Variants in GNAI1 observed in about 807,000 individuals in gnomAD.
The protein encoded by GNAI1 is guanine nucleotide-binding protein G(i) subunit alpha-1.
Under a neutral mutation model 38.9 loss-of-function variants are expected in GNAI1, and 11 were observed. The observed-to-expected ratio is 0.28, with a 90% CI of 0.18 to 0.47. GNAI1 has a LOEUF of 0.47. Ranked by LOEUF, GNAI1 falls within the 20% of genes least tolerant of loss-of-function variation. The pLI is 0.99. For missense variants in GNAI1, 317 were observed against 436.9 expected, an observed-to-expected ratio of 0.73 and a Z score of 2.45; for synonymous variants, 166 against 145.1, an observed-to-expected ratio of 1.14 and a Z score of -1.04.
chr7:80,157,777 G>GCTCA (rs774686977), intron 1 of GNAI1, among the ~76,000 whole-genome samples: 2 of 152,064 alleles, frequency 1.3e-5, no homozygotes, highest in African/African-American at 4.8e-5. Context: ...CATGATCTTA[G>GCTCA]CTCACTGCAA....
intron 1 of GNAI1, among the ~76,000 whole-genome samples, chr7:80,171,553 T>C (rs1788098457): frequency 6.6e-6 from 1 of 152,342 alleles, no homozygotes; most frequent in Non-Finnish European, 1.5e-5. Flanking sequence ...AATTTACATC[T>C]TGATGTAAAA....
At chr7:80,202,361 T>C (rs1400468020) in intron 4 of GNAI1, among the ~76,000 whole-genome samples, 1 of 152,182 alleles carries the variant, frequency 6.6e-6, no homozygotes, top group Non-Finnish European at 1.5e-5. Context: ...GTGCTGGGAT[T>C]ACAGGCGCCA....
intron 4 of GNAI1, among the ~76,000 whole-genome samples, chr7:80,202,864 T>C (rs955373919): frequency 2.6e-4 from 40 of 152,172 alleles, no homozygotes; most frequent in African/African-American, 9.4e-4. Flanking sequence ...TGTTCCCATC[T>C]CCATACTGAT....
At chr7:80,152,022 C>T (rs529287023) in intron 1 of GNAI1, among the ~76,000 whole-genome samples, 2 of 152,256 alleles carry the variant, frequency 1.3e-5, no homozygotes, top group Admixed American at 1.3e-4. Flanking sequence ...CTTTGTTCTC[C>T]TTTCACGGCC....
chr7:80,138,936 T>C (rs1159935711), intron 1 of GNAI1, among the ~76,000 whole-genome samples: 1 of 152,200 alleles, frequency 6.6e-6, no homozygotes, highest in Non-Finnish European at 1.5e-5. Flanking sequence ...TTTGGGATGC[T>C]GCATCATTAA....
intron 1 of GNAI1, among the ~76,000 whole-genome samples, chr7:80,177,578 C>T (rs2115588170): frequency 1.3e-5 from 2 of 152,258 alleles, no homozygotes; most frequent in South Asian, 4.2e-4. Flanking sequence ...GACTCCTGAG[C>T]TCAGGTGATT....
rs1250767254 is a variant in GNAI1 at position 80,222,492 on chromosome 7, A to G, written c.*4999A>G. Among the ~76,000 whole-genome samples the G allele has an allele frequency of 2.0e-5, 3 of 150,646 alleles. No homozygotes were observed. Among genetic ancestry groups the G allele is most frequent in the African/African-American group, 4.9e-5 (2 of 40,998 alleles). ...AACATCCGCCTCCCGGGTACAAGCA[A>G]TTCTCCTGCCTCAGGTTCCCGAGTA... On this transcript the variant is annotated 3_prime_UTR_variant, in exon 8 of 8. Coordinates refer to ENST00000649796, the MANE Select transcript of GNAI1 (RefSeq NM_002069.6).
At chr7:80,169,950 C>CTGAGCATATATTATTA (rs1788073661) in intron 1 of GNAI1, among the ~76,000 whole-genome samples, 1 of 152,178 alleles carries the variant, frequency 6.6e-6, no homozygotes, top group African/African-American at 2.4e-5. Context: ...GATTCTTTCA[C>CTGAGCATATATTATTA]TGAGCATAAT....
chr7:80,217,076 A>G (rs768284692), intron 7 of GNAI1, among the ~76,000 whole-genome samples: 2 of 152,010 alleles, frequency 1.3e-5, no homozygotes, highest in Non-Finnish European at 2.9e-5. Flanking sequence ...TGTAAAGGAA[A>G]TTTTTTGTTT....
chr7:80,183,911 G>A (rs531373548), intron 1 of GNAI1, among the ~76,000 whole-genome samples: 1 of 152,086 alleles, frequency 6.6e-6, no homozygotes, highest in East Asian at 1.9e-4. Context: ...GGATCCTACC[G>A]GTAGGCTGCT....
chr7:80,177,776 ATGT>A (rs1369877310), intron 1 of GNAI1, among the ~76,000 whole-genome samples: 1 of 152,138 alleles, frequency 6.6e-6, no homozygotes, highest in Non-Finnish European at 1.5e-5. Context: ...GCCCAGCCTA[ATGT>A]TGTTTTTACG....
intron 1 of GNAI1, among the ~76,000 whole-genome samples, chr7:80,168,161 C>T (rs1788043594): frequency 6.6e-6 from 1 of 152,096 alleles, no homozygotes; most frequent in South Asian, 2.1e-4. Flanking sequence ...TAGGTGCTGC[C>T]TCAGACTAGA....
At chr7:80,146,907 C>T (rs1197273273) in intron 1 of GNAI1, among the ~76,000 whole-genome samples, 1 of 152,198 alleles carries the variant, frequency 6.6e-6, no homozygotes, top group Non-Finnish European at 1.5e-5. Context: ...ATCTATCACA[C>T]TTAATATTAT....
intron 1 of GNAI1, among the ~76,000 whole-genome samples, chr7:80,156,360 T>C (rs2116114964): frequency 6.6e-6 from 1 of 152,222 alleles, no homozygotes; most frequent in South Asian, 2.1e-4. Flanking sequence ...TTTTGCAAGG[T>C]GAATCAAACA....
chr7:80,166,091 A>G (rs1321161000), intron 1 of GNAI1, among the ~76,000 whole-genome samples: 1 of 152,166 alleles, frequency 6.6e-6, no homozygotes, highest in Non-Finnish European at 1.5e-5. Flanking sequence ...AAAAATAAAT[A>G]CAGAATCCTT....
rs182033958 is a variant in GNAI1 at position 80,170,896 on chromosome 7, A to G, written c.119-18055A>G. 5.6e-4 allele frequency among the ~76,000 whole-genome samples: 86 copies of G among 152,346 alleles called. No homozygotes were observed. In the East Asian group the frequency reaches 6.0e-3, roughly 11 times the overall value. On this transcript the variant is annotated intron_variant, in intron 1 of 7. Coordinates refer to ENST00000649796, the MANE Select transcript of GNAI1 (RefSeq NM_002069.6). ...ATTAGTGATGATGGATCAAAGGGAC[A>G]TAGTGTATTTCATTAATTCTAAGAT...
chr7:80,143,235 T>C (rs1258684194), intron 1 of GNAI1, among the ~76,000 whole-genome samples: 2 of 152,118 alleles, frequency 1.3e-5, no homozygotes, highest in Non-Finnish European at 2.9e-5. Flanking sequence ...GGAAATACAA[T>C]ATATACATAA....
At chr7:80,203,022 G>C (rs1788715634) in intron 4 of GNAI1, among the ~76,000 whole-genome samples, 1 of 152,120 alleles carries the variant, frequency 6.6e-6, no homozygotes, top group African/African-American at 2.4e-5. Flanking sequence ...GTGAATTACT[G>C]ACTATACCAT....
chr7:80,176,936 CAAA>C (rs374205117), intron 1 of GNAI1, among the ~76,000 whole-genome samples: 7,564 of 71,148 alleles, frequency 0.11, 175 homozygotes, highest in Middle Eastern at 0.14. Flanking sequence ...GACTCTGTCT[CAAA>C]AAAAAAAAAA....
Sources: gnomAD v4.1 joint callset for allele counts (sites outside exome capture counted in the v4.1 genomes callset) on GRCh38, gnomAD v4.1.1 for gene constraint, MANE v1.5 for transcripts, NCBI Gene and HGNC (gene_info 2026-07-23, HGNC 2026-07-21) for gene names.